The following TAOK1 variants were observed in gnomAD, a reference collection of about 807,000 sequenced individuals.
The protein encoded by TAOK1 is serine/threonine-protein kinase TAO1.
A neutral mutation model predicts 138.3 loss-of-function variants in TAOK1; 21 were observed. The observed-to-expected ratio is 0.15, with a 90% CI of 0.11 to 0.22. The LOEUF (loss-of-function observed/expected upper bound fraction) is 0.22, where lower values mean the gene tolerates loss of function less well. TAOK1 is among the 10% of genes least tolerant of loss of function. TAOK1 has a pLI of 1.00. For synonymous variants in TAOK1, 361 were observed against 398.4 expected (o/e 0.91, Z 1.12); for missense variants, 651 against 1,227.7 (o/e 0.53, Z 7.02).
chr17:29,530,569 T>G lies in TAOK1; in HGVS notation c.2311T>G (p.Leu771Val). 1 of 1,614,190 alleles carries G rather than the reference T, an allele frequency of 6.2e-7. No individual in the cohort carries two copies. Among genetic ancestry groups the G allele is most frequent in the Non-Finnish European group, 8.5e-7 (1 of 1,180,040 alleles). ...GGAACAGACCCGGAAATTAGCTATC[T>G]TGGCTGAGCAGTATGATCACAGCAT... is the stretch of plus-strand genomic sequence containing the variant. ...KEEQTRKLAILAEQYDHSINE... is the reference protein window; with the variant it reads ...KEEQTRKLAIVAEQYDHSINE... Residue 771 changes from leucine (L) to valine (V), a missense_variant, in exon 18 of 20, where the codon TTG becomes GTG. Transcript: ENST00000261716.
chr17:29,464,214 T>A (rs2030600058), intron 2 of TAOK1, among the ~76,000 whole-genome samples: 1 of 150,944 alleles, frequency 6.6e-6, no homozygotes, highest in Admixed American at 6.6e-5. Context: ...GACAGATGGA[T>A]CATGAGGTCA....
At chr17:29,480,510 G>A (rs1281732500) in intron 7 of TAOK1, 29 bp downstream of exon 7, 4 of 1,550,948 alleles carry the variant, frequency 2.6e-6, no homozygotes, top group Non-Finnish European at 3.5e-6. Context: ...GTCAGCAGCT[G>A]TTTTAAGTGT....
intron 7 of TAOK1, among the ~76,000 whole-genome samples, chr17:29,481,852 C>T (rs866602012): frequency 2.0e-5 from 3 of 151,892 alleles, no homozygotes; most frequent in Non-Finnish European, 2.9e-5. Flanking sequence ...CCCAGCTACT[C>T]GGGAGGCTGA....
At chr17:29,451,797 TA>T (rs2030244530) in intron 2 of TAOK1, 117 bp downstream of exon 2, 6 of 1,249,052 alleles carry the variant, frequency 4.8e-6, no homozygotes, top group African/African-American at 1.5e-5. Flanking sequence ...GTCACTTGCA[TA>T]GGGGGAAGAG....
chr17:29,547,609 G>A lies in TAOK1; in HGVS notation c.*4587G>A, dbSNP rs548401587. On this transcript the variant is annotated 3_prime_UTR_variant, in exon 20 of 20. Coordinates refer to ENST00000261716, the MANE Select transcript of TAOK1 (RefSeq NM_020791.4). ...ATCTCCTATAATGATGGAAGAAGAG[G>A]TTCTCTTGTCTTAGATAGAAAAGAG... The A allele has an allele frequency of 1.6e-4, 24 of 152,072 alleles. No homozygotes were observed. The highest frequency in any genetic ancestry group is 1.3e-4 in the Non-Finnish European group (9 of 67,952). 9.4% of individuals were successfully genotyped at this position (152,072 alleles called of 1,614,324 possible).
At chr17:29,410,220 T>G (rs1213733550) in intron 1 of TAOK1, among the ~76,000 whole-genome samples, 2 of 152,160 alleles carry the variant, frequency 1.3e-5, no homozygotes, top group African/African-American at 4.8e-5. Flanking sequence ...GTTAAAAGGA[T>G]TAGATGCATT....
chr17:29,508,010 C>G lies in TAOK1; in HGVS notation c.1453C>G (p.Leu485Val). 6.2e-7 allele frequency: 1 copy of G among 1,614,060 alleles called. No individual in the cohort carries two copies. The highest frequency in any genetic ancestry group is 8.5e-7 in the Non-Finnish European group (1 of 1,179,994). The part of the protein sequence containing the change: ...QKQLMTLENK[L>V]KAEMDEHRLR... ...GCAACTGATGACTCTGGAAAACAAG[C>G]TAAAGGCTGAGATGGATGAACATCG... The change falls in exon 14 of 20, where the codon CTA (leucine) becomes GTA (valine). Residue 485 changes from leucine to valine, a missense_variant. Physicochemically the swap from Leu to Val is conservative, Grantham distance 32. This residue lies in a region of TAOK1 where 258 missense variants were observed against 548.9 expected (regional missense o/e 0.47). Coordinates refer to ENST00000261716, the MANE Select transcript of TAOK1 (RefSeq NM_020791.4).
At chr17:29,528,758 T>C (rs2150771073) in intron 17 of TAOK1, among the ~76,000 whole-genome samples, 1 of 142,668 alleles carries the variant, frequency 7.0e-6, no homozygotes, top group East Asian at 2.0e-4. Context: ...GAAAATCGAT[T>C]GAACCCAGGA....
At chr17:29,522,664 T>G in intron 17 of TAOK1, 145 bp downstream of exon 17, 1 of 1,283,138 alleles carries the variant, frequency 7.8e-7, no homozygotes, top group Non-Finnish European at 1.1e-6. Context: ...GACTTTAATG[T>G]TAAATGCCTG....
At chr17:29,504,214 T>C (rs1598511581) in intron 13 of TAOK1, among the ~76,000 whole-genome samples, 1 of 121,190 alleles carries the variant, frequency 8.3e-6, no homozygotes, top group Non-Finnish European at 1.7e-5. Context: ...GAGATGGAGG[T>C]TGCAGTGAGC....
At chr17:29,510,784 A>G in intron 14 of TAOK1, 80 bp from the exon 15 acceptor site, 1 of 1,000,990 alleles carries the variant, frequency 1.0e-6, no homozygotes, top group Non-Finnish European at 1.4e-6. Flanking sequence ...TAGAAAATAA[A>G]AGGTATTCTT....
intron 1 of TAOK1, among the ~76,000 whole-genome samples, chr17:29,423,392 A>G (rs1051729350): frequency 6.7e-6 from 1 of 150,284 alleles, no homozygotes; most frequent in African/African-American, 2.4e-5. Flanking sequence ...ATTTTTTTCT[A>G]TTTTTTAGTA....
chr17:29,410,702 G>A (rs1489970135), intron 1 of TAOK1, among the ~76,000 whole-genome samples: 1 of 143,586 alleles, frequency 7.0e-6, no homozygotes, highest in Non-Finnish European at 1.5e-5. Context: ...GCGTGATCTC[G>A]GCTCACTGCT....
chr17:29,453,007 G>A (rs1490367743), intron 2 of TAOK1, among the ~76,000 whole-genome samples: 5 of 152,080 alleles, frequency 3.3e-5, no homozygotes, highest in African/African-American at 1.2e-4. Context: ...TGGATTTGCA[G>A]GTTCCTATAG....
At chr17:29,397,635 T>TATATATGTATATTCATGTATG (rs1904665997) in intron 1 of TAOK1, among the ~76,000 whole-genome samples, 1 of 68,248 alleles carries the variant, frequency 1.5e-5, no homozygotes, top group African/African-American at 5.0e-5. Context: ...TATATACATG[T>TATATATGTATATTCATGTATG]ATACATGTAT....
At chr17:29,402,683 A>G (rs899658043) in intron 1 of TAOK1, among the ~76,000 whole-genome samples, 1 of 152,076 alleles carries the variant, frequency 6.6e-6, no homozygotes, top group Non-Finnish European at 1.5e-5. Flanking sequence ...GATTTGATTT[A>G]ATTGAAATAC....
intron 1 of TAOK1, among the ~76,000 whole-genome samples, chr17:29,391,833 A>G (rs1391990760): frequency 6.6e-6 from 1 of 152,178 alleles, no homozygotes; most frequent in East Asian, 1.9e-4. Context: ...TTTTGTGAGC[A>G]GGTTGGATTT....
intron 10 of TAOK1, among the ~76,000 whole-genome samples, chr17:29,493,109 T>C (rs1415389939): frequency 6.6e-6 from 1 of 151,084 alleles, no homozygotes; most frequent in Non-Finnish European, 1.5e-5. Context: ...CACTGTACTC[T>C]AGCCTGGGCG....
intron 2 of TAOK1, among the ~76,000 whole-genome samples, chr17:29,457,089 C>CTTTTTTTTT (rs548221652): frequency 1.5e-4 from 16 of 107,408 alleles, no homozygotes; most frequent in Non-Finnish European, 2.1e-4. Flanking sequence ...TTTTCTTTTT[C>CTTTTTTTTT]TTTTTTTTTT....
Sources: allele counts gnomAD v4.1 joint callset (sites outside exome capture counted in the v4.1 genomes callset), GRCh38; gene constraint gnomAD v4.1.1; regional missense constraint gnomAD v4.1.1; transcripts MANE v1.5; gene names NCBI Gene and HGNC (gene_info 2026-07-23, HGNC 2026-07-21).